The following NTN1 variants were observed in gnomAD, a reference collection of about 807,000 sequenced individuals.
NTN1 encodes netrin-1.
In NTN1, 11 loss-of-function variants were observed where a neutral mutation model predicts 54.2. That is an observed-to-expected ratio of 0.20 (90% CI 0.13 to 0.34). The LOEUF (loss-of-function observed/expected upper bound fraction) is 0.34. Ranked by LOEUF, NTN1 falls within the 10% of genes least tolerant of loss-of-function variation. The pLI, the probability that NTN1 is intolerant of heterozygous loss-of-function variation, is 1.00. For synonymous variants in NTN1, 371 were observed against 382.0 expected, an observed-to-expected ratio of 0.97 and a Z score of 0.33; for missense variants, 740 against 893.1, an observed-to-expected ratio of 0.83 and a Z score of 2.18.
intron 2 of NTN1, among the ~76,000 whole-genome samples, chr17:9,025,550 A>G (rs1204763887): frequency 6.6e-6 from 1 of 152,214 alleles, no homozygotes; most frequent in Non-Finnish European, 1.5e-5. Flanking sequence ...AATCTTGCCA[A>G]TTATTCAGTC....
intron 2 of NTN1, among the ~76,000 whole-genome samples, chr17:9,158,799 C>T (rs756366111): frequency 6.6e-6 from 1 of 152,200 alleles, no homozygotes; most frequent in Non-Finnish European, 1.5e-5. Flanking sequence ...TTTCTTTGCA[C>T]TTGGTTGAAC....
intron 5 of NTN1, among the ~76,000 whole-genome samples, chr17:9,187,503 ATTAT>A (rs751789461): frequency 4.6e-5 from 7 of 152,270 alleles, no homozygotes; most frequent in Non-Finnish European, 8.8e-5. Flanking sequence ...TACAGGGACT[ATTAT>A]TTAGCCATAA....
At chr17:9,150,922 T>C (rs900882670) in intron 2 of NTN1, among the ~76,000 whole-genome samples, 2 of 152,178 alleles carry the variant, frequency 1.3e-5, no homozygotes, top group Admixed American at 6.5e-5. Flanking sequence ...GCTGTGCTTT[T>C]TGGAGAGCCG....
At chr17:9,068,492 G>A (rs2092022495) in intron 2 of NTN1, among the ~76,000 whole-genome samples, 1 of 150,624 alleles carries the variant, frequency 6.6e-6, no homozygotes, top group Non-Finnish European at 1.5e-5. Flanking sequence ...GCCAGATTAT[G>A]TGTGTGTGTG....
chr17:9,092,092 G>A (rs1309442427), intron 2 of NTN1, among the ~76,000 whole-genome samples: 2 of 151,714 alleles, frequency 1.3e-5, no homozygotes, highest in Admixed American at 6.6e-5. Flanking sequence ...GTTTCACCAT[G>A]TTGGCCAGGC....
At position 9,197,609 on chromosome 17, in the gene NTN1, G is replaced by C. The variant is rs141468421; in HGVS notation, c.1411+14640G>C. ...GAGGAGGTGGAGGTTGCAGTGAGCTGAGATCACAGCACTGCACTCCGGCCT... is the reference window on the plus strand; with the variant it reads ...GAGGAGGTGGAGGTTGCAGTGAGCTCAGATCACAGCACTGCACTCCGGCCT... On this transcript the variant is annotated intron_variant, in intron 5 of 6. Coordinates refer to ENST00000173229, the MANE Select transcript of NTN1 (RefSeq NM_004822.3). 3.0e-4 allele frequency among the ~76,000 whole-genome samples: 44 copies of C among 148,348 alleles called. 1 individual carries two copies. The highest frequency in any genetic ancestry group is 3.5e-3 in the Middle Eastern group (1 of 286).
chr17:9,078,184 T>A (rs1398532471), intron 2 of NTN1, among the ~76,000 whole-genome samples: 2 of 152,186 alleles, frequency 1.3e-5, no homozygotes, highest in African/African-American at 4.8e-5. Context: ...AGAATGGCGA[T>A]CCCTTGCTTT....
intron 2 of NTN1, among the ~76,000 whole-genome samples, chr17:9,041,229 C>T (rs1019694143): frequency 9.2e-5 from 14 of 152,172 alleles, no homozygotes; most frequent in Non-Finnish European, 1.8e-4. Flanking sequence ...TCATACAATT[C>T]ACCCATGGAA....
At chr17:9,019,736 C>CTT (rs1567690667), upstream of NTN1, among the ~76,000 whole-genome samples, 1 of 152,226 alleles carries the variant, frequency 6.6e-6, no homozygotes, top group Non-Finnish European at 1.5e-5. Flanking sequence ...GAAGCGTTTC[C>CTT]TCCTAAGAGC....
chr17:9,179,336 A>C (rs1452043724), intron 3 of NTN1, among the ~76,000 whole-genome samples: 3 of 152,160 alleles, frequency 2.0e-5, no homozygotes, highest in Non-Finnish European at 4.4e-5. Flanking sequence ...GAGCTTCACC[A>C]GGCCTCAAAC....
At chr17:9,156,863 T>C (rs2092343933) in intron 2 of NTN1, among the ~76,000 whole-genome samples, 1 of 152,170 alleles carries the variant, frequency 6.6e-6, no homozygotes, top group African/African-American at 2.4e-5. Flanking sequence ...TAACTGTCTC[T>C]ATACATACCC....
At chr17:9,130,841 C>T (rs537943305) in intron 2 of NTN1, among the ~76,000 whole-genome samples, 2 of 152,338 alleles carry the variant, frequency 1.3e-5, no homozygotes, top group South Asian at 2.1e-4. Context: ...CGCCTGGTGG[C>T]GTGATGGTTG....
At chr17:9,222,234 GTCC>G (rs1905383773) in intron 6 of NTN1, among the ~76,000 whole-genome samples, 1 of 152,146 alleles carries the variant, frequency 6.6e-6, no homozygotes, top group Non-Finnish European at 1.5e-5. Flanking sequence ...ACCTCCCTCC[GTCC>G]TCCTCCTCAC....
chr17:9,082,600 G>A (rs527716410), intron 2 of NTN1, among the ~76,000 whole-genome samples: 1 of 152,212 alleles, frequency 6.6e-6, no homozygotes, highest in South Asian at 2.1e-4. Flanking sequence ...CGTGAGCAGC[G>A]CACACACACT....
At chr17:9,007,441 TTCC>T in the NTN1 span, among the ~76,000 whole-genome samples, 1 of 150,848 alleles carries the variant, frequency 6.6e-6, no homozygotes, top group Non-Finnish European at 1.5e-5. Flanking sequence ...CTTCCCTTCC[TTCC>T]TTTCTTCCCT....
At chr17:9,181,536 T>C (rs2092419047) in intron 4 of NTN1, among the ~76,000 whole-genome samples, 2 of 152,218 alleles carry the variant, frequency 1.3e-5, no homozygotes, top group South Asian at 4.1e-4. Context: ...AGGGCACCTA[T>C]GGTTTGTTGT....
intron 2 of NTN1, among the ~76,000 whole-genome samples, chr17:9,156,950 ATCCCTCCC>A (rs1230041153): frequency 1.5e-4 from 22 of 150,790 alleles, no homozygotes; most frequent in African/African-American, 3.4e-4. Flanking sequence ...CCATCCATGC[ATCCCTCCC>A]TCCCTCCCTC....
At chr17:9,162,572 G>T (rs542116388) in intron 2 of NTN1, among the ~76,000 whole-genome samples, 1 of 152,186 alleles carries the variant, frequency 6.6e-6, no homozygotes, top group Non-Finnish European at 1.5e-5. Context: ...AGGTACTGGG[G>T]GTCACGGCTT....
chr17:9,058,538 C>T (rs530524708), intron 2 of NTN1, among the ~76,000 whole-genome samples: 3 of 146,148 alleles, frequency 2.1e-5, no homozygotes, highest in Non-Finnish European at 4.4e-5. Context: ...CTTTTCTTAT[C>T]CATAAAGTGG....
Sources: allele counts gnomAD v4.1 joint callset (sites outside exome capture counted in the v4.1 genomes callset), GRCh38; gene constraint gnomAD v4.1.1; transcripts MANE v1.5; gene names NCBI Gene and HGNC (gene_info 2026-07-23, HGNC 2026-07-21).